ARPC2: variants seen among roughly 807,000 people sequenced by gnomAD.
ARPC2 encodes the protein actin related protein 2/3 complex subunit 2.
Under a neutral mutation model 38.6 loss-of-function variants are expected in ARPC2, and 4 were observed. The observed-to-expected ratio is 0.10, with a 90% CI of 0.05 to 0.24. ARPC2 has a LOEUF of 0.24. Ranked by LOEUF, ARPC2 falls within the 10% of genes least tolerant of loss-of-function variation. The pLI, the probability that ARPC2 is intolerant of heterozygous loss-of-function variation, is 1.00. For missense variants in ARPC2, 229 were observed against 387.3 expected (o/e 0.59, Z 3.43); for synonymous variants, 125 against 140.8 (o/e 0.89, Z 0.79).
chr2:218,250,345 A>G (rs748943630), intron 10 of ARPC2, among the ~76,000 whole-genome samples: 11 of 152,142 alleles, frequency 7.2e-5, no homozygotes, highest in Non-Finnish European at 1.3e-4. Flanking sequence ...ATGCAGAGGA[A>G]GGTTCTCTTT....
intron 8 of ARPC2, among the ~76,000 whole-genome samples, chr2:218,248,849 G>C (rs1690111909): frequency 6.6e-6 from 1 of 152,198 alleles, no homozygotes; most frequent in South Asian, 2.1e-4. Flanking sequence ...CCTATCATGA[G>C]GGTTCAGGTC....
intron 2 of ARPC2, among the ~76,000 whole-genome samples, chr2:218,221,123 CT>C (rs1458454218): frequency 1.3e-5 from 2 of 152,174 alleles, no homozygotes; most frequent in East Asian, 3.9e-4. Context: ...TAGCTGGAGT[CT>C]GGAGTCCAAA....
intron 7 of ARPC2, among the ~76,000 whole-genome samples, chr2:218,244,547 A>G (rs1689986760): frequency 6.6e-6 from 1 of 152,252 alleles, no homozygotes. Flanking sequence ...ATAACCTGGT[A>G]GGGGAGCCAG....
intron 10 of ARPC2, chr2:218,253,032 G>T: frequency 2.2e-6 from 1 of 456,404 alleles, no homozygotes; most frequent in Non-Finnish European, 4.4e-6. Context: ...TGTTACTAAT[G>T]GTGGGTAGGA....
chr2:218,245,372 C>T (rs767660336), intron 7 of ARPC2, 48 bp from the exon 8 acceptor site: 1 of 1,611,840 alleles, frequency 6.2e-7, no homozygotes, highest in Non-Finnish European at 8.5e-7. Flanking sequence ...AGTTGCCACT[C>T]ATCTTACACC....
At chr2:218,234,269 G>A in intron 4 of ARPC2, 83 bp from the exon 5 acceptor site, 4 of 1,072,820 alleles carry the variant, frequency 3.7e-6, no homozygotes, top group Non-Finnish European at 4.1e-6. Context: ...GAAGAGCTTG[G>A]CAAGTGCAGT....
chr2:218,247,474 C>T (rs1466945116), intron 8 of ARPC2, among the ~76,000 whole-genome samples: 1 of 152,102 alleles, frequency 6.6e-6, no homozygotes, highest in Non-Finnish European at 1.5e-5. Flanking sequence ...CTAAACTATA[C>T]ACTTTTTTCT....
intron 8 of ARPC2, among the ~76,000 whole-genome samples, chr2:218,247,778 C>T (rs1690081526): frequency 6.6e-6 from 1 of 151,990 alleles, no homozygotes; most frequent in Non-Finnish European, 1.5e-5. Flanking sequence ...CCCATCTCTA[C>T]AAAAAATACA....
chr2:218,225,612 G>A (rs1210934955), intron 2 of ARPC2, among the ~76,000 whole-genome samples: 1 of 152,202 alleles, frequency 6.6e-6, no homozygotes, highest in Non-Finnish European at 1.5e-5. Context: ...GTGGTATATA[G>A]CATGTTGTTA....
At chr2:218,247,701 T>C (rs1219065379) in intron 8 of ARPC2, among the ~76,000 whole-genome samples, 1 of 152,050 alleles carries the variant, frequency 6.6e-6, no homozygotes, top group African/African-American at 2.4e-5. Context: ...CCCAGCACTT[T>C]GGGAGGCCGA....
chr2:218,237,270 G>A (rs1689796632), intron 5 of ARPC2, among the ~76,000 whole-genome samples: 1 of 151,998 alleles, frequency 6.6e-6, no homozygotes, highest in Non-Finnish European at 1.5e-5. Context: ...CGCGATCTCA[G>A]CTCATTACAA....
intron 4 of ARPC2, among the ~76,000 whole-genome samples, chr2:218,232,275 T>G (rs559776075): frequency 6.8e-4 from 104 of 152,224 alleles, no homozygotes; most frequent in African/African-American, 2.4e-3. Context: ...AAATAAAATG[T>G]TTGTTTCTTA....
chr2:218,238,690 C>T lies in ARPC2; in HGVS notation c.295C>T (p.Leu99Phe). ...ATACAATGTCTCTTTGCTATATGACCTTGAAAATCTTCCGGCATCCAAGGA... is the reference window on the plus strand; with the variant it reads ...ATACAATGTCTCTTTGCTATATGACTTTGAAAATCTTCCGGCATCCAAGGA... The part of the protein sequence containing the change: ...SGYNVSLLYD[L>F]ENLPASKDSI... Residue 99 changes from leucine to phenylalanine, a missense_variant, in exon 6 of 11, where the codon CTT becomes TTT. Transcript: ENST00000315717. 3 of 1,606,956 alleles carry T rather than the reference C, an allele frequency of 1.9e-6. No individual in the cohort carries two copies. The African/African-American group carries it at 4.1e-5, about 22-fold the overall frequency.
At position 218,249,353 on chromosome 2, in the gene ARPC2, TC is replaced by T; in HGVS notation, c.677-9del. On this transcript the variant is annotated splice_polypyrimidine_tract_variant and intron_variant, in intron 8 of 10. Transcript: ENST00000315717. Reference sequence around the variant, plus strand: ...GTGTCCTGACGCCTTGTTTGTGTCTTCCGCCTTCAGTGCTGTTCCCTCGTCA... The same window carrying T: ...GTGTCCTGACGCCTTGTTTGTGTCTTCGCCTTCAGTGCTGTTCCCTCGTCA... 1 of 1,601,646 alleles carries T rather than the reference TC, an allele frequency of 6.2e-7. No homozygotes were observed. The highest frequency in any genetic ancestry group is 8.5e-7 in the Non-Finnish European group (1 of 1,170,164).
chr2:218,226,972 G>T, intron 3 of ARPC2: 1 of 456,564 alleles, frequency 2.2e-6, no homozygotes, highest in Non-Finnish European at 4.4e-6. Flanking sequence ...AAAGAATTAG[G>T]TGTTGGTACT....
intron 7 of ARPC2, among the ~76,000 whole-genome samples, chr2:218,242,718 C>G (rs1689943445): frequency 6.6e-6 from 1 of 152,132 alleles, no homozygotes; most frequent in Non-Finnish European, 1.5e-5. Context: ...CTTATGATGA[C>G]ATAAAAAGAT....
In ARPC2 at chr2:218,224,930, A is replaced by G. The variant is rs553434826; in HGVS notation, c.75-990A>G. Among the ~76,000 whole-genome samples the G allele has an allele frequency of 8.9e-4, 136 of 152,350 alleles. 2 individuals carry two copies. In the South Asian group the frequency reaches 0.021, roughly 23 times the overall value. On this transcript the variant is annotated intron_variant, in intron 2 of 10. Coordinates refer to ENST00000315717, the MANE Select transcript of ARPC2 (RefSeq NM_152862.3). ...AGGTAATGGAGCAGAGATCGTGGAA[A>G]GATACGTACTTGATTAAGAGGTCTT...
chr2:218,244,770 C>T (rs1020051744), intron 7 of ARPC2, among the ~76,000 whole-genome samples: 1 of 152,236 alleles, frequency 6.6e-6, no homozygotes, highest in East Asian at 1.9e-4. Flanking sequence ...TGGCAGCATC[C>T]TCCTGCTGTC....
Position 218,238,546 on chromosome 2 carries a change from T to A in ARPC2, c.269-118T>A, listed in dbSNP as rs1449782117. The A allele has an allele frequency of 4.3e-6, 3 of 703,230 alleles. No individual in the cohort carries two copies. The African/African-American group carries it at 5.6e-5, about 13-fold the overall frequency. The allele number at this position is 703,230 out of a possible 1,614,324, so 43.6% of individuals were successfully genotyped here. On this transcript the variant is annotated intron_variant, in intron 5 of 10. Transcript: ENST00000315717. ...AATAGAACCTGAAAAAAGATTTTTT[T>A]AGTTGCCTCTAGTCTCTGTTTACTT...
Sources: allele counts gnomAD v4.1 joint callset (sites outside exome capture counted in the v4.1 genomes callset), GRCh38; gene constraint gnomAD v4.1.1; transcripts MANE v1.5; gene names NCBI Gene and HGNC (gene_info 2026-07-23, HGNC 2026-07-21).